Variants in SCFD2 observed in about 807,000 individuals in gnomAD.
SCFD2 encodes the protein sec1 family domain-containing protein 2.
SCFD2 carries 54 observed loss-of-function variants against 58.9 expected under a neutral mutation model. The observed-to-expected ratio is 0.92, with a 90% CI of 0.74 to 1.15. The LOEUF (loss-of-function observed/expected upper bound fraction) is 1.15. Ranked by LOEUF, SCFD2 falls within the 50% of genes most tolerant of loss-of-function variation. SCFD2 has a pLI of 0.00. For synonymous variants in SCFD2, 321 were observed against 335.9 expected, an observed-to-expected ratio of 0.96 and a Z score of 0.49; for missense variants, 805 against 836.6, an observed-to-expected ratio of 0.96 and a Z score of 0.47.
At chr4:53,140,125 T>C (rs1726083940) in intron 5 of SCFD2, among the ~76,000 whole-genome samples, 1 of 151,578 alleles carries the variant, frequency 6.6e-6, no homozygotes, top group African/African-American at 2.4e-5. Flanking sequence ...CACATGTTTA[T>C]CTGCTGACCT....
intron 2 of SCFD2, among the ~76,000 whole-genome samples, chr4:53,323,926 C>T (rs1204386691): frequency 6.6e-6 from 1 of 151,934 alleles, no homozygotes; most frequent in African/African-American, 2.4e-5. Context: ...TTTTTGCAGC[C>T]ACAATTACCC....
intron 5 of SCFD2, among the ~76,000 whole-genome samples, chr4:52,954,811 A>G (rs1288003028): frequency 6.6e-6 from 1 of 152,222 alleles, no homozygotes; most frequent in Non-Finnish European, 1.5e-5. Context: ...ACATCTGACT[A>G]AAAAGTGGGA....
chr4:52,954,230 G>GTC (rs1720661753), intron 5 of SCFD2, among the ~76,000 whole-genome samples: 1 of 152,302 alleles, frequency 6.6e-6, no homozygotes, highest in East Asian at 1.9e-4. Flanking sequence ...CAAGTCTTTG[G>GTC]TCTCTCACCT....
chr4:53,197,170 A>G (rs1270746768), intron 4 of SCFD2, among the ~76,000 whole-genome samples: 1 of 152,120 alleles, frequency 6.6e-6, no homozygotes, highest in African/African-American at 2.4e-5. Context: ...CAGCAACAAC[A>G]TTAATTCAAA....
At chr4:53,201,364 T>C (rs1728231413) in intron 4 of SCFD2, among the ~76,000 whole-genome samples, 1 of 152,204 alleles carries the variant, frequency 6.6e-6, no homozygotes, top group East Asian at 1.9e-4. Flanking sequence ...TCATCCTTTT[T>C]TATGGCTCCA....
chr4:53,291,874 T>G lies in SCFD2; in HGVS notation c.1136-17873A>C, dbSNP rs1042712180. ...TGACAAACCTGACAAAAACAAGCAA[T>G]GGGGAAAGGATTCATATTTAACAAA... is the stretch of plus-strand genomic sequence containing the variant. On this transcript the variant is annotated intron_variant, in intron 3 of 8. Transcript: ENST00000401642. Among the ~76,000 whole-genome samples, 97 of 152,188 alleles carry G rather than the reference T, an allele frequency of 6.4e-4. 1 individual carries two copies. The highest frequency in any genetic ancestry group is 2.2e-3 in the African/African-American group (92 of 41,546).
chr4:53,136,886 A>G (rs1229246687), intron 5 of SCFD2, among the ~76,000 whole-genome samples: 3 of 152,192 alleles, frequency 2.0e-5, no homozygotes, highest in African/African-American at 4.8e-5. Flanking sequence ...ATAATCTGAG[A>G]ATGTTTATGA....
chr4:53,186,841 A>T (rs1727751113), intron 4 of SCFD2, among the ~76,000 whole-genome samples: 2 of 152,038 alleles, frequency 1.3e-5, no homozygotes. Context: ...GAGTCAGTTT[A>T]TTCAACCGTA....
At chr4:53,144,565 T>C (rs1726266280) in intron 5 of SCFD2, among the ~76,000 whole-genome samples, 1 of 148,222 alleles carries the variant, frequency 6.7e-6, no homozygotes, top group Non-Finnish European at 1.5e-5. Flanking sequence ...ATATAATATA[T>C]AAAAACACTA....
chr4:53,042,963 G>A (rs1162842829), intron 5 of SCFD2, among the ~76,000 whole-genome samples: 3 of 152,062 alleles, frequency 2.0e-5, no homozygotes, highest in African/African-American at 4.8e-5. Context: ...TTGGAAAAGG[G>A]AAACCAGAAA....
rs377180164 is a variant in SCFD2, at chr4:53,188,098, G to T, written c.1312-42516C>A. ...AAAACAACTCAAGGGAACATCCTAT[G>T]CTTAATGGTTAAATGGCAATAGAAA... On this transcript the variant is annotated intron_variant, in intron 4 of 8. Coordinates refer to ENST00000401642, the MANE Select transcript of SCFD2 (RefSeq NM_152540.4). 7.9e-5 allele frequency among the ~76,000 whole-genome samples: 12 copies of T among 152,174 alleles called. No homozygotes were observed. The South Asian group carries it at 1.2e-3, about 16-fold the overall frequency.
intron 5 of SCFD2, among the ~76,000 whole-genome samples, chr4:52,923,056 T>A (rs543174833): frequency 6.6e-6 from 1 of 152,310 alleles, no homozygotes; most frequent in Non-Finnish European, 1.5e-5. Context: ...CGAGGTGGCA[T>A]GTGAGAAGCT....
At chr4:52,883,090 T>C (rs927479352) in intron 8 of SCFD2, among the ~76,000 whole-genome samples, 2 of 152,216 alleles carry the variant, frequency 1.3e-5, no homozygotes, top group African/African-American at 4.8e-5. Context: ...GTCACATGTG[T>C]TCTCGAACAG....
At chr4:53,245,088 C>T (rs1175358958) in intron 4 of SCFD2, among the ~76,000 whole-genome samples, 2 of 151,938 alleles carry the variant, frequency 1.3e-5, no homozygotes, top group African/African-American at 2.4e-5. Flanking sequence ...AGACCAATTA[C>T]AAGCTTTGAA....
intron 4 of SCFD2, among the ~76,000 whole-genome samples, chr4:53,187,020 A>C (rs1727756072): frequency 6.6e-6 from 1 of 152,096 alleles, no homozygotes; most frequent in Non-Finnish European, 1.5e-5. Context: ...AAAAGCATTT[A>C]TGCTATAAAA....
chr4:52,916,935 T>C (rs1719623979), intron 6 of SCFD2, among the ~76,000 whole-genome samples: 1 of 152,196 alleles, frequency 6.6e-6, no homozygotes, highest in African/African-American at 2.4e-5. Flanking sequence ...GGTATCACTC[T>C]TGCCCAGGCT....
In SCFD2 at chr4:53,232,060, C is replaced by T. The variant is rs183618981; in HGVS notation, c.1311+41766G>A. Among the ~76,000 whole-genome samples the T allele has an allele frequency of 2.8e-3, 432 of 152,104 alleles. 2 individuals are homozygous for T. The highest frequency in any genetic ancestry group is 9.9e-3 in the African/African-American group (411 of 41,540). Reference sequence around the variant, plus strand: ...AGAAGAGAAATTCTATATTTTTCAACAAAAATTAGTAACAAGAAATGCCAA... The same window carrying T: ...AGAAGAGAAATTCTATATTTTTCAATAAAAATTAGTAACAAGAAATGCCAA... On this transcript the variant is annotated intron_variant, in intron 4 of 8. Transcript: ENST00000401642.
At chr4:53,239,873 A>C (rs1329371852) in intron 4 of SCFD2, among the ~76,000 whole-genome samples, 1 of 152,148 alleles carries the variant, frequency 6.6e-6, no homozygotes, top group East Asian at 1.9e-4. Flanking sequence ...CACTCATAAA[A>C]ATCTTCCTAG....
chr4:53,158,097 C>T (rs905300384), intron 4 of SCFD2, among the ~76,000 whole-genome samples: 1 of 152,100 alleles, frequency 6.6e-6, no homozygotes, highest in Non-Finnish European at 1.5e-5. Flanking sequence ...AGAACCTTAG[C>T]CCAGGTTAAA....
Sources: allele counts gnomAD v4.1 joint callset (sites outside exome capture counted in the v4.1 genomes callset), GRCh38; gene constraint gnomAD v4.1.1; transcripts MANE v1.5; gene names NCBI Gene and HGNC (gene_info 2026-07-23, HGNC 2026-07-21).